The following CCDC34 variants were observed in gnomAD, a reference collection of about 807,000 sequenced individuals.
The protein encoded by CCDC34 is coiled-coil domain containing 34.
A neutral mutation model predicts 44.1 loss-of-function variants in CCDC34; 40 were observed. The observed-to-expected ratio is 0.91, with a 90% confidence interval of 0.70 to 1.18. CCDC34 has a LOEUF of 1.18. Among genes scored for constraint, CCDC34 ranks in the 50% most tolerant of loss-of-function variants. The pLI, the probability that CCDC34 is intolerant of heterozygous loss-of-function variation, is 0.00. For synonymous variants in CCDC34, 159 were observed against 158.2 expected, an observed-to-expected ratio of 1.01 and a Z score of -0.04; for missense variants, 466 against 452.3, an observed-to-expected ratio of 1.03 and a Z score of -0.28.
At chr11:27,357,358 T>G in intron 2 of CCDC34, 45 bp downstream of exon 2, 1 of 1,567,010 alleles carries the variant, frequency 6.4e-7, no homozygotes, top group Non-Finnish European at 8.7e-7. Context: ...CAGCTCTACT[T>G]TGTGAGCTCA....
intron 3 of CCDC34, chr11:27,349,582 C>T (rs1862477081): frequency 1.0e-6 from 1 of 976,974 alleles, no homozygotes; most frequent in Admixed American, 6.2e-5. Context: ...CAGTACCACT[C>T]TAAATATGTA....
At chr11:27,348,980 T>A (rs1862470191) in intron 3 of CCDC34, 5 of 967,474 alleles carry the variant, frequency 5.2e-6, no homozygotes, top group Non-Finnish European at 6.1e-6. Flanking sequence ...AAAGAAATAA[T>A]TTTTTTTTTC....
chr11:27,350,773 G>A (rs987502188), intron 2 of CCDC34, among the ~76,000 whole-genome samples: 1 of 152,116 alleles, frequency 6.6e-6, no homozygotes, highest in Non-Finnish European at 1.5e-5. Context: ...AGAAGCTCAA[G>A]AGAATTGCAA....
chr11:27,339,800 AAATT>A (rs756134524), intron 5 of CCDC34, among the ~76,000 whole-genome samples: 168 of 152,344 alleles, frequency 1.1e-3, no homozygotes, highest in Admixed American at 1.8e-3. Context: ...AAAATGCAAA[AAATT>A]AATAAAACAA....
chr11:27,354,321 GT>G (rs1862542668), intron 2 of CCDC34, among the ~76,000 whole-genome samples: 2 of 152,218 alleles, frequency 1.3e-5, no homozygotes, highest in South Asian at 4.2e-4. Context: ...TTGTGATAGG[GT>G]TTATATTTAT....
intron 3 of CCDC34, chr11:27,349,090 G>A: frequency 2.0e-6 from 2 of 985,138 alleles, no homozygotes; most frequent in Non-Finnish European, 2.4e-6. Context: ...AACTAGGTTT[G>A]ATTGGCATGG....
intron 3 of CCDC34, among the ~76,000 whole-genome samples, chr11:27,344,325 T>C (rs1003504641): frequency 6.6e-6 from 1 of 152,064 alleles, no homozygotes; most frequent in Non-Finnish European, 1.5e-5. Flanking sequence ...AAAAAACATA[T>C]ATATGTTATA....
chr11:27,363,187 G>A lies in CCDC34; in HGVS notation c.8C>T (p.Ala3Val), dbSNP rs1862698550. ...AAAAGTAGGCCCCCAGCGCCCCGCC[G>A]CCCACATCTGGCCCGCCAAGTTCAA... MW[A>V]AGRWGPTFPS... is the part of the protein sequence containing the mutation. Residue 3 changes from alanine (A) to valine (V), a missense_variant, in exon 1 of 6, where the codon GCG becomes GTG. Physicochemically the swap from Ala to Val is moderately conservative, Grantham distance 64 (BLOSUM62 0). Transcript: ENST00000328697. The A allele has an allele frequency of 4.1e-6, 6 of 1,479,692 alleles. No homozygotes were observed. In the Admixed American group the frequency reaches 7.2e-5, roughly 18 times the overall value. 91.7% of individuals were successfully genotyped at this position (1,479,692 alleles called of 1,614,324 possible). A position where few individuals can be genotyped will look rare whatever the true frequency, so the allele number is the denominator to read the frequency against.
At chr11:27,360,264 T>C (rs142655547) in intron 1 of CCDC34, among the ~76,000 whole-genome samples, 223 of 152,260 alleles carry the variant, frequency 1.5e-3, no homozygotes, top group Middle Eastern at 3.4e-3. Context: ...CCAGAGCACA[T>C]TGTAAAATAT....
chr11:27,349,877 CAG>C, intron 3 of CCDC34: 1 of 994,282 alleles, frequency 1.0e-6, no homozygotes, highest in Non-Finnish European at 1.2e-6. Context: ...AGATCACAAA[CAG>C]GGGAGTAGTA....
intron 2 of CCDC34, among the ~76,000 whole-genome samples, chr11:27,355,277 C>T (rs1437793510): frequency 6.6e-6 from 1 of 152,056 alleles, no homozygotes; most frequent in East Asian, 1.9e-4. Flanking sequence ...GAATAGAATA[C>T]CAGGTTTTGC....
At chr11:27,347,364 A>T (rs1055058429) in intron 3 of CCDC34, among the ~76,000 whole-genome samples, 1 of 152,226 alleles carries the variant, frequency 6.6e-6, no homozygotes, top group African/African-American at 2.4e-5. Context: ...GTTCCTAGGC[A>T]TTCACACAAG....
At chr11:27,355,742 T>G (rs924799154) in intron 2 of CCDC34, among the ~76,000 whole-genome samples, 11 of 152,138 alleles carry the variant, frequency 7.2e-5, no homozygotes, top group Admixed American at 6.5e-4. Context: ...AACCGTAAGG[T>G]CTTTCTCAAG....
rs1037764709 is a variant in CCDC34, at chr11:27,354,303, G to A, written c.498+3100C>T. On this transcript the variant is annotated intron_variant, in intron 2 of 5. Transcript: ENST00000328697. ...TACAAATAATTATACCCTGCTACAT[G>A]CTTATCATTGTGATAGGGTTTATAT... Among the ~76,000 whole-genome samples the A allele has an allele frequency of 3.2e-4, 48 of 152,126 alleles. 1 individual carries two copies. The highest frequency in any genetic ancestry group is 1.1e-3 in the African/African-American group (47 of 41,422).
chr11:27,340,549 G>T, intron 5 of CCDC34, 147 bp downstream of exon 5: 1 of 789,590 alleles, frequency 1.3e-6, no homozygotes, highest in Non-Finnish European at 1.9e-6. Flanking sequence ...ATCTCCATAG[G>T]AACATGACAT....
Position 27,350,361 on chromosome 11 carries a change from T to C in CCDC34, c.577A>G (p.Lys193Glu), listed in dbSNP as rs755584192. The change falls in exon 3 of 6, where the codon AAG (lysine) becomes GAG (glutamate). Residue 193 changes from lysine to glutamate, a missense_variant. Coordinates refer to ENST00000328697, the MANE Select transcript of CCDC34 (RefSeq NM_030771.2). ...KRKIIAEEKHKEWVQKKNEQK... is the reference protein window; with the variant it reads ...KRKIIAEEKHEEWVQKKNEQK... Reference sequence around the variant, plus strand: ...TCATTCTTTTTCTGAACCCATTCCTTGTGCTTTTCTTCAGCAATTATCTTT... The same window carrying C: ...TCATTCTTTTTCTGAACCCATTCCTCGTGCTTTTCTTCAGCAATTATCTTT... The C allele has an allele frequency of 1.2e-6, 2 of 1,613,962 alleles. No homozygotes were observed. Among genetic ancestry groups the C allele is most frequent in the Admixed American group, 3.3e-5 (2 of 60,000 alleles).
chr11:27,353,263 G>C (rs933414662), intron 2 of CCDC34, among the ~76,000 whole-genome samples: 2 of 151,394 alleles, frequency 1.3e-5, no homozygotes, highest in African/African-American at 4.9e-5. Context: ...CTATTCGTTC[G>C]TTAAGGGCTC....
At chr11:27,346,474 AGAAGGAAGGAAGGAAGGAAG>A (rs35249457) in intron 3 of CCDC34, among the ~76,000 whole-genome samples, 1 of 128,046 alleles carries the variant, frequency 7.8e-6, no homozygotes, top group African/African-American at 2.9e-5. Flanking sequence ...GACAGAGGAA[AGAAGGAAGGAAGGAAGGAAG>A]GAAGGAAGGA....
intron 1 of CCDC34, among the ~76,000 whole-genome samples, chr11:27,359,112 A>G (rs1423568404): frequency 6.6e-6 from 1 of 152,134 alleles, no homozygotes; most frequent in Non-Finnish European, 1.5e-5. Flanking sequence ...TCAAATCATT[A>G]TCCACACCTC....
Sources: allele counts gnomAD v4.1 joint callset (sites outside exome capture counted in the v4.1 genomes callset), GRCh38; gene constraint gnomAD v4.1.1; transcripts MANE v1.5; gene names NCBI Gene and HGNC (gene_info 2026-07-23, HGNC 2026-07-21).